The following ESR1 variants were observed in gnomAD, a reference collection of about 807,000 sequenced individuals.
ESR1 encodes estrogen receptor.
A neutral mutation model predicts 52.7 loss-of-function variants in ESR1; 12 were observed. That is an observed-to-expected ratio of 0.23 (90% CI 0.15 to 0.37). ESR1 has a LOEUF of 0.37. ESR1 is among the 10% of genes least tolerant of loss of function. The probability of loss-of-function intolerance (pLI) is 1.00; values close to 1 mark genes in which losing one functional copy is unlikely to be tolerated. For synonymous variants in ESR1, 305 were observed against 316.8 expected (o/e 0.96, Z 0.39); for missense variants, 584 against 779.7 (o/e 0.75, Z 2.99).
At chr6:151,904,247 G>A (rs2128415661) in intron 3 of ESR1, among the ~76,000 whole-genome samples, 1 of 152,180 alleles carries the variant, frequency 6.6e-6, no homozygotes, top group African/African-American at 2.4e-5. Context: ...AAATAAAACT[G>A]TGCACTCCTT....
At chr6:151,865,771 C>A (rs1286707276) in intron 2 of ESR1, among the ~76,000 whole-genome samples, 1 of 152,144 alleles carries the variant, frequency 6.6e-6, no homozygotes, top group Non-Finnish European at 1.5e-5. Flanking sequence ...CATGTTTAGG[C>A]CACACAGCTG....
At chr6:151,956,863 A>ATATATATATATAT (rs1175773832) in intron 4 of ESR1, among the ~76,000 whole-genome samples, 28 of 53,900 alleles carry the variant, frequency 5.2e-4, no homozygotes, top group African/African-American at 1.3e-3. Flanking sequence ...TATATATATA[A>ATATATATATATAT]ATATATATAT....
chr6:152,028,581 C>G (rs6557183), intron 5 of ESR1, among the ~76,000 whole-genome samples: 66,885 of 152,006 alleles, frequency 0.44, 16,659 homozygotes, highest in African/African-American at 0.67. Flanking sequence ...CTGCAAGGTG[C>G]AAGCGAGGCT....
At chr6:151,695,406 G>C (rs1027075073) in intron 1 of ESR1, among the ~76,000 whole-genome samples, 11 of 152,174 alleles carry the variant, frequency 7.2e-5, no homozygotes, top group African/African-American at 2.7e-4. Flanking sequence ...CAATCCTAGA[G>C]AGCTTAGTGT....
chr6:151,778,744 T>G (rs1300482719), intron 2 of ESR1, among the ~76,000 whole-genome samples: 1 of 152,138 alleles, frequency 6.6e-6, no homozygotes, highest in African/African-American at 2.4e-5. Context: ...AAACCACTAA[T>G]GCTTTGACAA....
intron 2 of ESR1, among the ~76,000 whole-genome samples, chr6:151,782,458 T>A (rs1316910353): frequency 6.6e-6 from 1 of 152,238 alleles, no homozygotes; most frequent in African/African-American, 2.4e-5. Context: ...TTGGGTTTTT[T>A]AAGTTTGCTT....
chr6:151,956,837 TAA>T (rs2036994971), intron 4 of ESR1, among the ~76,000 whole-genome samples: 5 of 15,264 alleles, frequency 3.3e-4, no homozygotes, highest in East Asian at 1.9e-3. Context: ...TATATAAATA[TAA>T]ATAAATATAT....
chr6:151,776,315 G>T (rs184327285), intron 2 of ESR1, among the ~76,000 whole-genome samples: 29 of 152,286 alleles, frequency 1.9e-4, no homozygotes, highest in Admixed American at 1.6e-3. Flanking sequence ...AGAATAGGAG[G>T]GATTTGTGGG....
chr6:152,010,623 T>C (rs567522822), intron 4 of ESR1, among the ~76,000 whole-genome samples: 1 of 152,232 alleles, frequency 6.6e-6, no homozygotes, highest in Middle Eastern at 3.4e-3. Flanking sequence ...GTGTGATTTA[T>C]TTAGTCACTT....
At chr6:151,791,372 C>T (rs1189124073) in intron 2 of ESR1, among the ~76,000 whole-genome samples, 1 of 152,172 alleles carries the variant, frequency 6.6e-6, no homozygotes, top group Non-Finnish European at 1.5e-5. Flanking sequence ...CTTTCACGAG[C>T]TCTCTTGCCT....
At chr6:151,776,007 A>G (rs115803285) in intron 2 of ESR1, among the ~76,000 whole-genome samples, 1 of 152,172 alleles carries the variant, frequency 6.6e-6, no homozygotes, top group Non-Finnish European at 1.5e-5. Flanking sequence ...AGGTGAGCGG[A>G]TCTTAAATCC....
intron 3 of ESR1, among the ~76,000 whole-genome samples, chr6:151,909,830 G>A (rs1301348412): frequency 1.3e-5 from 2 of 152,084 alleles, no homozygotes; most frequent in African/African-American, 4.8e-5. Context: ...AGAGTCTTCT[G>A]TGTCTTTGGG....
At position 151,868,752 on chromosome 6, in the gene ESR1, G is replaced by T. The variant is rs1790413565; in HGVS notation, c.644-11903G>T. ...TTCCATGTCTTTGCTATTTTGAGTA[G>T]TGTTCTGATGACCATATGGGTGCAT... On this transcript the variant is annotated intron_variant, in intron 2 of 7. Coordinates refer to ENST00000206249, the MANE Select transcript of ESR1 (RefSeq NM_000125.4). Among the ~76,000 whole-genome samples, 3 of 152,078 alleles carry T rather than the reference G, an allele frequency of 2.0e-5. No individual in the cohort carries two copies. In the South Asian group the frequency reaches 6.2e-4, roughly 32 times the overall value.
intron 2 of ESR1, among the ~76,000 whole-genome samples, chr6:151,719,261 G>T (rs541027048): frequency 1.3e-5 from 2 of 152,126 alleles, no homozygotes; most frequent in African/African-American, 4.8e-5. Context: ...ATAAACTTAA[G>T]TAGGTCTAGA....
chr6:151,803,270 A>G (rs1319296374), upstream of ESR1, among the ~76,000 whole-genome samples: 1 of 152,170 alleles, frequency 6.6e-6, no homozygotes, highest in Non-Finnish European at 1.5e-5. Context: ...CATGATAACT[A>G]CTACTAGAAT....
chr6:151,808,947 C>A (rs1045794409), intron 1 of ESR1, among the ~76,000 whole-genome samples: 2 of 152,182 alleles, frequency 1.3e-5, no homozygotes, highest in Admixed American at 6.5e-5. Context: ...CCCCACCCCA[C>A]GTCCTGGGGC....
At chr6:152,031,313 A>G (rs1438607127) in intron 5 of ESR1, among the ~76,000 whole-genome samples, 2 of 152,194 alleles carry the variant, frequency 1.3e-5, no homozygotes, top group African/African-American at 4.8e-5. Flanking sequence ...GGAGATAGAG[A>G]CACAAAAAAC....
chr6:151,688,546 T>C (rs1285078572), upstream of ESR1, among the ~76,000 whole-genome samples: 1 of 152,092 alleles, frequency 6.6e-6, no homozygotes, highest in Non-Finnish European at 1.5e-5. Flanking sequence ...GCCCTCCATA[T>C]CTGTGGGTTC....
chr6:151,701,199 T>C (rs1779750765), intron 1 of ESR1, among the ~76,000 whole-genome samples: 1 of 144,742 alleles, frequency 6.9e-6, no homozygotes, highest in Non-Finnish European at 1.5e-5. Flanking sequence ...TTTGAGATAC[T>C]GTGGGCTGGG....
Sources: allele counts gnomAD v4.1 joint callset (sites outside exome capture counted in the v4.1 genomes callset), GRCh38; gene constraint gnomAD v4.1.1; transcripts MANE v1.5; gene names NCBI Gene and HGNC (gene_info 2026-07-23, HGNC 2026-07-21).